Variants in RBFOX1 observed in about 807,000 individuals in gnomAD.
RBFOX1 encodes the protein RNA binding protein fox-1 homolog 1.
In RBFOX1, 8 loss-of-function variants were observed where a neutral mutation model predicts 57.7. That is an observed-to-expected ratio of 0.14 (90% CI 0.08 to 0.25). The LOEUF (loss-of-function observed/expected upper bound fraction) is 0.25. Among genes scored for constraint, RBFOX1 ranks in the 10% least tolerant of loss-of-function variants. RBFOX1 has a pLI of 1.00. For missense variants in RBFOX1, 611 were observed against 548.5 expected, an observed-to-expected ratio of 1.11 and a Z score of -1.14; for synonymous variants, 326 against 222.4, an observed-to-expected ratio of 1.47 and a Z score of -4.15.
At chr16:7,495,430 C>T (rs1226103651) in intron 4 of RBFOX1, among the ~76,000 whole-genome samples, 2 of 152,124 alleles carry the variant, frequency 1.3e-5, no homozygotes, top group Non-Finnish European at 2.9e-5. Flanking sequence ...TTTTACACAC[C>T]CACCAAAAGT....
At chr16:7,072,572 A>G (rs1262442848) in intron 4 of RBFOX1, among the ~76,000 whole-genome samples, 1 of 152,222 alleles carries the variant, frequency 6.6e-6, no homozygotes, top group East Asian at 1.9e-4. Context: ...AAGAATCAGT[A>G]TGCACCAATA....
chr16:5,828,039 A>G (rs957060323), intron 3 of RBFOX1, among the ~76,000 whole-genome samples: 2 of 149,432 alleles, frequency 1.3e-5, no homozygotes, highest in African/African-American at 4.9e-5. Context: ...CCATCCATGT[A>G]TCCATCCATC....
chr16:7,384,204 T>C (rs1215664321), intron 4 of RBFOX1, among the ~76,000 whole-genome samples: 23 of 151,938 alleles, frequency 1.5e-4, no homozygotes, highest in Non-Finnish European at 4.4e-5. Context: ...GAAATATATA[T>C]GAAACATATA....
At chr16:7,196,827 C>G (rs1048233431) in intron 4 of RBFOX1, among the ~76,000 whole-genome samples, 1 of 151,970 alleles carries the variant, frequency 6.6e-6, no homozygotes, top group South Asian at 2.1e-4. Context: ...AAGGGTGTTT[C>G]AAGCAAAGAG....
intron 3 of RBFOX1, among the ~76,000 whole-genome samples, chr16:6,953,601 G>A (rs553655542): frequency 1.3e-5 from 2 of 152,184 alleles, no homozygotes; most frequent in South Asian, 4.1e-4. Context: ...TGGCCAGCGT[G>A]GTCTGAAACT....
At chr16:5,949,212 C>G (rs1036063835) in intron 4 of RBFOX1, among the ~76,000 whole-genome samples, 1 of 152,078 alleles carries the variant, frequency 6.6e-6, no homozygotes, top group Non-Finnish European at 1.5e-5. Flanking sequence ...TACTATACAG[C>G]CTGTGTCCAA....
chr16:5,869,696 C>A (rs1003295482), intron 4 of RBFOX1, among the ~76,000 whole-genome samples: 2 of 152,180 alleles, frequency 1.3e-5, no homozygotes. Context: ...AGCCACCGCG[C>A]CCGGCTGTTC....
At chr16:5,817,020 C>G (rs2055666650) in intron 3 of RBFOX1, among the ~76,000 whole-genome samples, 1 of 152,144 alleles carries the variant, frequency 6.6e-6, no homozygotes, top group Non-Finnish European at 1.5e-5. Flanking sequence ...AATAAACATC[C>G]TGACTAGGAG....
chr16:5,849,482 G>T (rs898946721), intron 3 of RBFOX1, among the ~76,000 whole-genome samples: 3 of 152,020 alleles, frequency 2.0e-5, no homozygotes, highest in Non-Finnish European at 2.9e-5. Flanking sequence ...TCTCCCAGGG[G>T]TCATATCCTA....
At chr16:5,774,914 C>T (rs1488386190) in intron 3 of RBFOX1, among the ~76,000 whole-genome samples, 1 of 152,102 alleles carries the variant, frequency 6.6e-6, no homozygotes, top group East Asian at 1.9e-4. Flanking sequence ...AACTCCTGAC[C>T]TCAGGTGATC....
chr16:5,926,508 A>G (rs1189309432), intron 4 of RBFOX1, among the ~76,000 whole-genome samples: 1 of 152,132 alleles, frequency 6.6e-6, no homozygotes, highest in African/African-American at 2.4e-5. Flanking sequence ...CCTCACAATC[A>G]TTATCCCATG....
chr16:7,650,992 G>A (rs758670465), intron 11 of RBFOX1, among the ~76,000 whole-genome samples: 17 of 152,102 alleles, frequency 1.1e-4, no homozygotes, highest in Admixed American at 3.9e-4. Context: ...CAGTTGCCAC[G>A]TGATCCAAGA....
chr16:6,681,662 A>C (rs1006734860), intron 3 of RBFOX1, among the ~76,000 whole-genome samples: 5 of 90,556 alleles, frequency 5.5e-5, no homozygotes, highest in African/African-American at 1.8e-4. Context: ...CACAATGGTC[A>C]TTTAACCAGA....
chr16:5,470,578 G>T (rs1341019028), intron 2 of RBFOX1, among the ~76,000 whole-genome samples: 1 of 152,090 alleles, frequency 6.6e-6, no homozygotes, highest in Non-Finnish European at 1.5e-5. Flanking sequence ...AATTCAGTGG[G>T]CGTCACCCGT....
intron 1 of RBFOX1, among the ~76,000 whole-genome samples, chr16:6,151,297 T>G (rs932319172): frequency 2.6e-5 from 4 of 152,132 alleles, no homozygotes; most frequent in African/African-American, 9.7e-5. Context: ...GTTTTTTTTC[T>G]TTTTTTGAGA....
At chr16:7,311,476 T>TCC (rs1385629482) in intron 4 of RBFOX1, among the ~76,000 whole-genome samples, 2 of 87,216 alleles carry the variant, frequency 2.3e-5, no homozygotes, top group Non-Finnish European at 4.3e-5. Flanking sequence ...GATGAGCCTT[T>TCC]TCTTTTTTTT....
At chr16:6,982,460 C>G (rs889112296) in intron 3 of RBFOX1, among the ~76,000 whole-genome samples, 1 of 152,130 alleles carries the variant, frequency 6.6e-6, no homozygotes, top group Non-Finnish European at 1.5e-5. Context: ...GCAGCGAGCT[C>G]CTTCTCATTC....
intron 11 of RBFOX1, among the ~76,000 whole-genome samples, chr16:7,649,557 T>G (rs1597291689): frequency 6.6e-6 from 1 of 152,020 alleles, no homozygotes; most frequent in Non-Finnish European, 1.5e-5. Flanking sequence ...GTTGCTTGCA[T>G]GCTGTTTATC....
chr16:7,704,633 C>T (rs1176008731), intron 14 of RBFOX1, among the ~76,000 whole-genome samples: 1 of 152,216 alleles, frequency 6.6e-6, no homozygotes, highest in African/African-American at 2.4e-5. Context: ...CTGCCCCAGC[C>T]TCCATGGAGT....
Sources: gnomAD v4.1 joint callset for allele counts (sites outside exome capture counted in the v4.1 genomes callset) on GRCh38, gnomAD v4.1.1 for gene constraint, MANE v1.5 for transcripts, NCBI Gene and HGNC (gene_info 2026-07-23, HGNC 2026-07-21) for gene names.